CTBP2: variants seen among roughly 807,000 people sequenced by gnomAD.
CTBP2 encodes the protein C-terminal-binding protein 2.
CTBP2 carries 30 observed loss-of-function variants against 80.3 expected under a neutral mutation model. That is an observed-to-expected ratio of 0.37 (90% CI 0.28 to 0.51). The LOEUF (loss-of-function observed/expected upper bound fraction) is 0.51, where lower values mean the gene tolerates loss of function less well. Ranked by LOEUF, CTBP2 falls within the 20% of genes least tolerant of loss-of-function variation. The pLI, the probability that CTBP2 is intolerant of heterozygous loss-of-function variation, is 0.93. For missense variants in CTBP2, 1,212 were observed against 1,375.3 expected, an observed-to-expected ratio of 0.88 and a Z score of 1.88; for synonymous variants, 594 against 587.4, an observed-to-expected ratio of 1.01 and a Z score of -0.16.
At chr10:125,013,185 A>C (rs1956118296) in intron 1 of CTBP2, among the ~76,000 whole-genome samples, 1 of 152,138 alleles carries the variant, frequency 6.6e-6, no homozygotes, top group Admixed American at 6.5e-5. Flanking sequence ...AGCCTGTTGG[A>C]AAGACCACCA....
At chr10:125,161,359 ATCC>A (rs1861880530), upstream of CTBP2, among the ~76,000 whole-genome samples, 1 of 151,534 alleles carries the variant, frequency 6.6e-6, no homozygotes, top group Non-Finnish European at 1.5e-5. Context: ...CTGGCCCTTC[ATCC>A]TCCTCCGCCC....
intron 1 of CTBP2, among the ~76,000 whole-genome samples, chr10:125,003,832 G>A (rs1387220572): frequency 2.0e-5 from 3 of 151,524 alleles, no homozygotes; most frequent in African/African-American, 4.9e-5. Context: ...TGCCTGCACC[G>A]GCACCAGCTG....
At chr10:125,116,922 G>T (rs1241289162) in intron 1 of CTBP2, among the ~76,000 whole-genome samples, 1 of 152,254 alleles carries the variant, frequency 6.6e-6, no homozygotes, top group Non-Finnish European at 1.5e-5. Flanking sequence ...GCATGAGGCA[G>T]GATGGTGGCC....
intron 3 of CTBP2, among the ~76,000 whole-genome samples, chr10:125,033,122 C>T (rs567339519): frequency 6.6e-6 from 1 of 152,334 alleles, no homozygotes; most frequent in Non-Finnish European, 1.5e-5. Context: ...GAGGAACCCT[C>T]CTGGCACAGA....
chr10:125,004,005 C>T (rs1954907770), intron 1 of CTBP2, among the ~76,000 whole-genome samples: 1 of 152,200 alleles, frequency 6.6e-6, no homozygotes, highest in Non-Finnish European at 1.5e-5. Flanking sequence ...TGCCTGAGGG[C>T]AGGAGGCCTC....
intron 1 of CTBP2, among the ~76,000 whole-genome samples, chr10:125,134,948 A>G (rs1016368107): frequency 6.6e-6 from 1 of 150,586 alleles, no homozygotes; most frequent in Non-Finnish European, 1.5e-5. Context: ...CGTTAATACT[A>G]GAACCCACGT....
At position 125,026,371 on chromosome 10, in the gene CTBP2, C is replaced by G. The variant is rs1446433064; in HGVS notation, c.1389G>C (p.Leu463Phe). 2.5e-6 allele frequency: 4 copies of G among 1,612,938 alleles called. No individual in the cohort carries two copies. The Admixed American group carries it at 6.7e-5, about 27-fold the overall frequency. Residue 463 changes from leucine to phenylalanine, a missense_variant, in exon 1 of 9, where the codon TTG (leucine) becomes TTC (phenylalanine). Leu to Phe is a conservative substitution (Grantham distance 22). Transcript: ENST00000309035. ...GGGGGTTTGAGGGGCCCGGGTTAGT[C>G]AAGGCCACCCCTGCCTGCAGGGGGT... is the stretch of plus-strand genomic sequence containing the variant.
intron 2 of CTBP2, among the ~76,000 whole-genome samples, chr10:125,049,857 A>C (rs1487621401): frequency 6.6e-6 from 1 of 152,128 alleles, no homozygotes; most frequent in African/African-American, 2.4e-5. Flanking sequence ...AAACCAAATC[A>C]AGACTCTTGA....
chr10:125,063,433 T>C (rs1844134459), intron 2 of CTBP2, among the ~76,000 whole-genome samples: 1 of 152,170 alleles, frequency 6.6e-6, no homozygotes, highest in Admixed American at 6.5e-5. Flanking sequence ...CAACAAAAGC[T>C]GGCAAGGACA....
At chr10:125,036,231 A>T (rs1249687048) in intron 3 of CTBP2, among the ~76,000 whole-genome samples, 1 of 152,130 alleles carries the variant, frequency 6.6e-6, no homozygotes. Flanking sequence ...GCCTTAGAAA[A>T]CAGGGAAAGG....
chr10:125,015,571 C>G (rs1451196886), intron 1 of CTBP2, among the ~76,000 whole-genome samples: 2 of 152,176 alleles, frequency 1.3e-5, no homozygotes, highest in Non-Finnish European at 2.9e-5. Context: ...TCCCGGAAGC[C>G]CATGCAGCCC....
intron 1 of CTBP2, among the ~76,000 whole-genome samples, chr10:125,140,565 G>GTA (rs1857628487): frequency 6.6e-6 from 1 of 152,246 alleles, no homozygotes; most frequent in Non-Finnish European, 1.5e-5. Flanking sequence ...GCTCACGCCT[G>GTA]TAATCTCAGC....
At chr10:125,125,341 T>C (rs532822702) in intron 1 of CTBP2, among the ~76,000 whole-genome samples, 60 of 149,314 alleles carry the variant, frequency 4.0e-4, no homozygotes, top group Non-Finnish European at 7.6e-4. Context: ...ATATCTTTCT[T>C]CTAAAATGCT....
chr10:125,116,571 C>T (rs368643829), intron 1 of CTBP2, among the ~76,000 whole-genome samples: 17 of 152,174 alleles, frequency 1.1e-4, no homozygotes, highest in Non-Finnish European at 1.6e-4. Flanking sequence ...CTGGGGATCA[C>T]GCCCACCCCT....
chr10:125,146,445 TA>T (rs148835990), intron 1 of CTBP2, among the ~76,000 whole-genome samples: 15,427 of 151,692 alleles, frequency 0.1, 1,486 homozygotes, highest in African/African-American at 0.26. Context: ...CACGCATGGC[TA>T]ATTTTTTGTA....
chr10:125,036,657 A>C (rs533377156), intron 3 of CTBP2, among the ~76,000 whole-genome samples: 10 of 149,808 alleles, frequency 6.7e-5, no homozygotes, highest in African/African-American at 2.5e-4. Context: ...TGAGAATTCA[A>C]AGCTAGAGGG....
At chr10:125,014,857 C>T (rs1248421494) in intron 1 of CTBP2, among the ~76,000 whole-genome samples, 1 of 152,348 alleles carries the variant, frequency 6.6e-6, no homozygotes, top group Non-Finnish European at 1.5e-5. Flanking sequence ...CCGCCTTGGC[C>T]GGCAGGGACG....
intron 2 of CTBP2, among the ~76,000 whole-genome samples, chr10:125,060,785 G>C (rs1964821535): frequency 6.6e-6 from 1 of 152,236 alleles, no homozygotes; most frequent in African/African-American, 2.4e-5. Context: ...ACACGGGCAG[G>C]CTTCCCCAGA....
At position 125,132,650 on chromosome 10, in the gene CTBP2, C is replaced by A. The variant is rs147841272; in HGVS notation, c.-205-21557G>T. ...ACCAGTATTCGCACATCCGTACAGACTGCATCAAATGGCAAATCAAGCACC... is the reference window on the plus strand; with the variant it reads ...ACCAGTATTCGCACATCCGTACAGAATGCATCAAATGGCAAATCAAGCACC... On this transcript the variant is annotated intron_variant, in intron 1 of 10. Coordinates refer to the CTBP2 transcript ENST00000337195. Among the ~76,000 whole-genome samples, 270 of 152,320 alleles carry A rather than the reference C, an allele frequency of 1.8e-3. 1 individual carries two copies. The highest frequency in any genetic ancestry group is 6.4e-3 in the African/African-American group (264 of 41,568).
Sources: allele counts gnomAD v4.1 joint callset (sites outside exome capture counted in the v4.1 genomes callset), GRCh38; gene constraint gnomAD v4.1.1; transcripts MANE v1.5; gene names NCBI Gene and HGNC (gene_info 2026-07-23, HGNC 2026-07-21).